SLC28A3: variants seen among roughly 807,000 people sequenced by gnomAD.
SLC28A3 encodes concentrative Na(+)-nucleoside cotransporter 3.
A neutral mutation model predicts 84.2 loss-of-function variants in SLC28A3; 68 were observed. The observed-to-expected ratio is 0.81, with a 90% CI of 0.66 to 0.99. The LOEUF (loss-of-function observed/expected upper bound fraction) is 0.99, where lower values mean the gene tolerates loss of function less well. Among genes scored for constraint, SLC28A3 ranks in the 50% least tolerant of loss-of-function variants. SLC28A3 has a pLI of 0.00. For missense variants in SLC28A3, 712 were observed against 841.5 expected, an observed-to-expected ratio of 0.85 and a Z score of 1.90; for synonymous variants, 267 against 303.6, an observed-to-expected ratio of 0.88 and a Z score of 1.25.
the SLC28A3 span, among the ~76,000 whole-genome samples, chr9:84,364,498 C>T: frequency 2.6e-5 from 4 of 152,180 alleles, no homozygotes; most frequent in African/African-American, 9.7e-5. Context: ...GTTGGGATTA[C>T]AGGTGTGAGG....
At chr9:84,292,150 G>A (rs1825249996) in intron 10 of SLC28A3, among the ~76,000 whole-genome samples, 1 of 152,204 alleles carries the variant, frequency 6.6e-6, no homozygotes, top group South Asian at 2.1e-4. Flanking sequence ...ATGGTTGTTG[G>A]TGGAAAGGCT....
At chr9:84,278,839 GAGT>G (rs777401564) in intron 17 of SLC28A3, among the ~76,000 whole-genome samples, 1 of 150,062 alleles carries the variant, frequency 6.7e-6, no homozygotes, top group African/African-American at 2.5e-5. Flanking sequence ...AATTTTGCTG[GAGT>G]AGACATAGCT....
intron 5 of SLC28A3, among the ~76,000 whole-genome samples, chr9:84,301,203 A>G (rs905418339): frequency 6.6e-6 from 1 of 151,820 alleles, no homozygotes; most frequent in Non-Finnish European, 1.5e-5. Flanking sequence ...ACACAAAAAA[A>G]TTAGCTGGGT....
the SLC28A3 span, among the ~76,000 whole-genome samples, chr9:84,366,604 C>T: frequency 2.0e-5 from 3 of 152,150 alleles, no homozygotes; most frequent in Non-Finnish European, 4.4e-5. Context: ...GGGGGACACC[C>T]CAAGCTCAGC....
intron 10 of SLC28A3, among the ~76,000 whole-genome samples, chr9:84,290,837 A>AAACT (rs1260094167): frequency 7.4e-6 from 1 of 134,992 alleles, no homozygotes; most frequent in Non-Finnish European, 1.6e-5. Context: ...CATTAAAAAC[A>AAACT]AACAAACAAA....
chr9:84,341,904 G>A (rs963784593), upstream of SLC28A3, among the ~76,000 whole-genome samples: 3 of 152,110 alleles, frequency 2.0e-5, no homozygotes, highest in African/African-American at 7.2e-5. Context: ...CAAGGCGGGT[G>A]GATCACTTTA....
rs68139837 is a variant in SLC28A3, at chr9:84,313,882, AG to A, written c.61-429del. Among the ~76,000 whole-genome samples, 34 of 146,846 alleles carry A rather than the reference AG, an allele frequency of 2.3e-4. No homozygotes were observed. The South Asian group carries it at 4.8e-3, about 21-fold the overall frequency. On this transcript the variant is annotated intron_variant, in intron 1 of 17. Transcript: ENST00000376238. ...AGACTCTACCTGAAAAAAAAAAAAA[AG>A]AAAAGAAAAGAAAGTAAAGAAAAGA...
Position 84,294,208 on chromosome 9 carries a change from C to T in SLC28A3, c.929G>A (p.Trp310Ter), listed in dbSNP as rs776491428. 1.2e-6 allele frequency: 2 copies of T among 1,613,888 alleles called. No homozygotes were observed. Among genetic ancestry groups the T allele is most frequent in the African/African-American group, 2.7e-5 (2 of 74,926 alleles). ...SMLYYLGLMQWIIRKVGWIML... is the reference protein window; with the variant it reads ...SMLYYLGLMQ ...CAGCCCCAGTACCTTTCTAATAATCCACTGCATCAGTCCCAGGTAGTACAG... is the reference window on the plus strand; with the variant it reads ...CAGCCCCAGTACCTTTCTAATAATCTACTGCATCAGTCCCAGGTAGTACAG... Residue 310 changes from tryptophan (W) to a stop codon, truncating the protein, a stop_gained, in exon 9 of 18, where the codon TGG becomes TAG. Coordinates refer to ENST00000376238, the MANE Select transcript of SLC28A3 (RefSeq NM_001199633.2). LOFTEE classifies it high-confidence loss of function.
intron 6 of SLC28A3, 30 bp from the exon 7 acceptor site, chr9:84,298,049 A>G: frequency 6.4e-7 from 1 of 1,565,116 alleles, no homozygotes; most frequent in Non-Finnish European, 8.7e-7. Context: ...GATATGTCTT[A>G]GTAGGAAAAT....
chr9:84,278,279 C>CCCTT lies in SLC28A3; in HGVS notation c.2011_2014dup (p.Gly672GlufsTer13), dbSNP rs1229010943. 6.2e-7 allele frequency: 1 copy of CCCTT among 1,614,126 alleles called. No individual in the cohort carries two copies. Among genetic ancestry groups the CCCTT allele is most frequent in the Non-Finnish European group, 8.5e-7 (1 of 1,180,010 alleles). On this transcript the variant is annotated frameshift_variant, in exon 18 of 18. Coordinates refer to ENST00000376238, the MANE Select transcript of SLC28A3 (RefSeq NM_001199633.2). LOFTEE classifies it high-confidence loss of function. Reference sequence around the variant, plus strand: ...CGATGGATTCAACAATGTGCAGCAGCCCTTCAAAGAATACAGACTGTGGTT... The same window carrying CCCTT: ...CGATGGATTCAACAATGTGCAGCAGCCCTTCCTTCAAAGAATACAGACTGTGGTT...
intron 1 of SLC28A3, among the ~76,000 whole-genome samples, chr9:84,338,096 T>A (rs1827044426): frequency 6.6e-6 from 1 of 152,220 alleles, no homozygotes; most frequent in Non-Finnish European, 1.5e-5. Context: ...TGGGAACCCA[T>A]ATCAGCATTT....
In SLC28A3 at chr9:84,276,705, T is replaced by TA. The variant is rs139074743; in HGVS notation, c.*1512dup. 1.3e-5 allele frequency: 2 copies of TA among 152,004 alleles called. No individual in the cohort carries two copies. Among genetic ancestry groups the TA allele is most frequent in the African/African-American group, 4.8e-5 (2 of 41,320 alleles). 9.4% of individuals were successfully genotyped at this position (152,004 alleles called of 1,614,324 possible). On this transcript the variant is annotated 3_prime_UTR_variant, in exon 18 of 18. Transcript: ENST00000376238. Reference sequence around the variant, plus strand: ...ATTTTAGTATATCATACTTCAGGGATAAACAGTCCTCTGGACATTAGGCCT... The same window carrying TA: ...ATTTTAGTATATCATACTTCAGGGATAAAACAGTCCTCTGGACATTAGGCCT...
At chr9:84,363,203 C>T in the SLC28A3 span, among the ~76,000 whole-genome samples, 1 of 152,164 alleles carries the variant, frequency 6.6e-6, no homozygotes, top group Admixed American at 6.5e-5. Context: ...GAACAAGGGT[C>T]CCTAGGACTA....
At chr9:84,349,393 C>G in the SLC28A3 span, among the ~76,000 whole-genome samples, 1 of 152,170 alleles carries the variant, frequency 6.6e-6, no homozygotes, top group African/African-American at 2.4e-5. Context: ...CCTGCTACCA[C>G]GCCTGGCTAA....
At chr9:84,285,568 G>T in intron 13 of SLC28A3, 26 bp from the exon 14 acceptor site, 1 of 1,612,116 alleles carries the variant, frequency 6.2e-7, no homozygotes, top group South Asian at 1.1e-5. Context: ...GTAGACACTT[G>T]ATTAGAATAG....
intron 1 of SLC28A3, among the ~76,000 whole-genome samples, chr9:84,338,604 G>C (rs1027711610): frequency 6.6e-6 from 1 of 152,156 alleles, no homozygotes; most frequent in African/African-American, 2.4e-5. Context: ...AGTTTTGCTA[G>C]AAGACAGTGA....
chr9:84,342,557 C>T (rs1405801056), upstream of SLC28A3, among the ~76,000 whole-genome samples: 1 of 150,434 alleles, frequency 6.6e-6, no homozygotes, highest in Non-Finnish European at 1.5e-5. Context: ...GGACTACAGA[C>T]AGGTGCCATC....
At chr9:84,290,859 A>C (rs1056879553) in intron 10 of SLC28A3, among the ~76,000 whole-genome samples, 1 of 150,594 alleles carries the variant, frequency 6.6e-6, no homozygotes, top group Admixed American at 6.6e-5. Flanking sequence ...AAACAAACAA[A>C]CAACCTCAGC....
upstream of SLC28A3, among the ~76,000 whole-genome samples, chr9:84,342,587 T>G (rs899555571): frequency 2.0e-5 from 3 of 151,870 alleles, no homozygotes; most frequent in African/African-American, 7.3e-5. Flanking sequence ...TAAATTTTTT[T>G]TTTTTTTTTG....
Sources: gnomAD v4.1 joint callset for allele counts (sites outside exome capture counted in the v4.1 genomes callset) on GRCh38, gnomAD v4.1.1 for gene constraint, MANE v1.5 for transcripts, NCBI Gene and HGNC (gene_info 2026-07-23, HGNC 2026-07-21) for gene names.